The following NAA16 variants were observed in gnomAD, a reference collection of about 807,000 sequenced individuals.
The protein encoded by NAA16 is N-alpha-acetyltransferase 16, NatA auxiliary subunit.
Under a neutral mutation model 110.3 loss-of-function variants are expected in NAA16, and 97 were observed. The observed-to-expected ratio is 0.88, with a 90% CI of 0.75 to 1.04. NAA16 has a LOEUF of 1.04. Among genes scored for constraint, NAA16 ranks in the 50% least tolerant of loss-of-function variants. The pLI, the probability that NAA16 is intolerant of heterozygous loss-of-function variation, is 0.00. For synonymous variants in NAA16, 372 were observed against 330.6 expected (o/e 1.13, Z -1.36); for missense variants, 1,017 against 1,005.1 (o/e 1.01, Z -0.16).
At chr13:41,341,120 G>T (rs9566747) in intron 9 of NAA16, among the ~76,000 whole-genome samples, 1 of 152,140 alleles carries the variant, frequency 6.6e-6, no homozygotes, top group Non-Finnish European at 1.5e-5. Context: ...GTGCTGAGAA[G>T]AGTGTATATT....
At chr13:41,339,677 T>C (rs1170081811) in intron 9 of NAA16, among the ~76,000 whole-genome samples, 1 of 152,078 alleles carries the variant, frequency 6.6e-6, no homozygotes, top group Non-Finnish European at 1.5e-5. Flanking sequence ...CCTGCCTCAG[T>C]CTCCCAAGTA....
chr13:41,355,083 A>T, intron 9 of NAA16, 61 bp from the exon 10 acceptor site: 1 of 1,019,776 alleles, frequency 9.8e-7, no homozygotes, highest in Non-Finnish European at 1.5e-6. Context: ...TTTAAACCAT[A>T]ATAGGTAAAA....
intron 15 of NAA16, among the ~76,000 whole-genome samples, chr13:41,370,418 A>AT (rs1370581222): frequency 9.2e-5 from 14 of 152,336 alleles, no homozygotes; most frequent in African/African-American, 3.4e-4. Context: ...GAACACCAGG[A>AT]TTTAAGGCAG....
At chr13:41,311,631 G>T (rs1566232176) in intron 1 of NAA16, 49 bp downstream of exon 1, 4 of 1,553,020 alleles carry the variant, frequency 2.6e-6, no homozygotes, top group South Asian at 1.2e-5. Flanking sequence ...CGGGTCCTCG[G>T]GCCTTAAGGG....
At chr13:41,331,494 C>A in intron 8 of NAA16, 125 bp downstream of exon 8, 1 of 591,102 alleles carries the variant, frequency 1.7e-6, no homozygotes, top group Non-Finnish European at 2.9e-6. Context: ...TGGGAGTGAA[C>A]AGTTATGAGT....
intron 9 of NAA16, among the ~76,000 whole-genome samples, chr13:41,353,226 C>A (rs2042887628): frequency 6.6e-6 from 1 of 152,062 alleles, no homozygotes; most frequent in Admixed American, 6.6e-5. Flanking sequence ...GTAGATGGCG[C>A]AAGTTCCTGA....
intron 9 of NAA16, among the ~76,000 whole-genome samples, chr13:41,350,362 C>G (rs931058758): frequency 2.7e-5 from 4 of 149,736 alleles, no homozygotes; most frequent in Non-Finnish European, 5.9e-5. Flanking sequence ...GGTGTGATCT[C>G]GGCTCACTGC....
intron 15 of NAA16, 94 bp downstream of exon 15, chr13:41,369,377 A>G: frequency 8.4e-7 from 1 of 1,192,086 alleles, no homozygotes. Context: ...ATCTGTAAGA[A>G]GCCATTTGAA....
At position 41,348,001 on chromosome 13, in the gene NAA16, G is replaced by A. The variant is rs2042729605; in HGVS notation, c.1015-7143G>A. Among the ~76,000 whole-genome samples the A allele has an allele frequency of 2.0e-5, 3 of 152,004 alleles. No homozygotes were observed. The South Asian group carries it at 6.2e-4, about 32-fold the overall frequency. On this transcript the variant is annotated intron_variant, in intron 9 of 19. Coordinates refer to ENST00000379406, the MANE Select transcript of NAA16 (RefSeq NM_024561.5). ...CATATATGTCCTTTGTAATGTCAAG[G>A]AAGTTCCCTTCAACTCCTAGTTTAT...
At chr13:41,325,202 A>G (rs993629080) in intron 5 of NAA16, among the ~76,000 whole-genome samples, 1 of 151,288 alleles carries the variant, frequency 6.6e-6, no homozygotes, top group African/African-American at 2.4e-5. Context: ...TAATCCACCC[A>G]CCTCAGCCTC....
chr13:41,372,722 T>C lies in NAA16; in HGVS notation c.2057-10T>C, dbSNP rs758737104. 1.3e-6 allele frequency: 2 copies of C among 1,585,452 alleles called. No homozygotes were observed. The highest frequency in any genetic ancestry group is 1.2e-5 in the South Asian group (1 of 86,344). On this transcript the variant is annotated splice_polypyrimidine_tract_variant and intron_variant, in intron 16 of 19. Transcript: ENST00000379406. ...TTAATGCTATTACTTTTGTATTTTTTCTGACACAGGAAAGTTTCTGTTAAT... is the reference window on the plus strand; with the variant it reads ...TTAATGCTATTACTTTTGTATTTTTCCTGACACAGGAAAGTTTCTGTTAAT...
Position 41,375,669 on chromosome 13 carries a change from T to G in NAA16, c.*67T>G, listed in dbSNP as rs2043415584. 2.6e-6 allele frequency: 3 copies of G among 1,152,090 alleles called. No individual in the cohort carries two copies. The highest frequency in any genetic ancestry group is 3.7e-6 in the Non-Finnish European group (3 of 815,610). The allele number at this position is 1,152,090 out of a possible 1,614,324, so 71.4% of individuals were successfully genotyped here. A position where few individuals can be genotyped will look rare whatever the true frequency, so the allele number is the denominator to read the frequency against. Reference sequence around the variant, plus strand: ...TGAGATCAGGGTTTCTTTTCCAGGGTGCATTTTAATATACGTATGAAATGA... The same window carrying G: ...TGAGATCAGGGTTTCTTTTCCAGGGGGCATTTTAATATACGTATGAAATGA... On this transcript the variant is annotated 3_prime_UTR_variant, in exon 20 of 20. Coordinates refer to ENST00000379406, the MANE Select transcript of NAA16 (RefSeq NM_024561.5).
chr13:41,349,418 G>C lies in NAA16; in HGVS notation c.1015-5726G>C, dbSNP rs545493056. 1.1e-4 allele frequency among the ~76,000 whole-genome samples: 16 copies of C among 151,916 alleles called. No homozygotes were observed. In the South Asian group the frequency reaches 3.3e-3, roughly 32 times the overall value. ...GGCTGGTCTCAAACTCATGGCCTAA[G>C]TGATCCTCTCACTTAGGCATCCCAA... is the stretch of plus-strand genomic sequence containing the variant. On this transcript the variant is annotated intron_variant, in intron 9 of 19. Coordinates refer to ENST00000379406, the MANE Select transcript of NAA16 (RefSeq NM_024561.5).
chr13:41,355,068 T>A, intron 9 of NAA16, 76 bp from the exon 10 acceptor site: 1 of 869,496 alleles, frequency 1.2e-6, no homozygotes, highest in South Asian at 1.5e-5. Flanking sequence ...ATTTTCCAAA[T>A]GTAATTTAAA....
At chr13:41,365,308 A>G (rs1660043221) in intron 13 of NAA16, among the ~76,000 whole-genome samples, 1 of 152,198 alleles carries the variant, frequency 6.6e-6, no homozygotes, top group Non-Finnish European at 1.5e-5. Context: ...ATAGAACTAT[A>G]TACACATTGT....
At chr13:41,324,866 C>T (rs1226928970) in intron 5 of NAA16, among the ~76,000 whole-genome samples, 3 of 150,550 alleles carry the variant, frequency 2.0e-5, no homozygotes, top group Non-Finnish European at 4.4e-5. Context: ...ACCACTGTGC[C>T]TGACAATGTT....
intron 1 of NAA16, among the ~76,000 whole-genome samples, chr13:41,315,263 C>G (rs951381906): frequency 6.6e-6 from 1 of 152,088 alleles, no homozygotes. Context: ...AGAAGGAACA[C>G]AAGTGTAGGA....
chr13:41,341,126 A>G (rs560951330), intron 9 of NAA16, among the ~76,000 whole-genome samples: 1 of 152,078 alleles, frequency 6.6e-6, no homozygotes, highest in Admixed American at 6.6e-5. Flanking sequence ...AGAAGAGTGT[A>G]TATTCTGTTG....
rs751059077 is a variant in NAA16, at chr13:41,374,749, A to C, written c.2307A>C (p.Lys769Asn). The C allele has an allele frequency of 6.2e-7, 1 of 1,608,280 alleles. No individual in the cohort carries two copies. The highest frequency in any genetic ancestry group is 8.5e-7 in the Non-Finnish European group (1 of 1,175,878). The change falls in exon 19 of 20, where the codon AAA becomes AAC. Residue 769 changes from lysine to asparagine, a missense_variant. Coordinates refer to ENST00000379406, the MANE Select transcript of NAA16 (RefSeq NM_024561.5). ...AATGCCTTGGTATTTCAGGTGCTAAAATGATGTATTTTCTGGACAAGTCAA... is the reference window on the plus strand; with the variant it reads ...AATGCCTTGGTATTTCAGGTGCTAACATGATGTATTTTCTGGACAAGTCAA... ...TSLQHLLSGA[K>N]MMYFLDKSRQ...
Sources: allele counts gnomAD v4.1 joint callset (sites outside exome capture counted in the v4.1 genomes callset), GRCh38; gene constraint gnomAD v4.1.1; transcripts MANE v1.5; gene names NCBI Gene and HGNC (gene_info 2026-07-23, HGNC 2026-07-21).